ANKRD26: variants seen among roughly 807,000 people sequenced by gnomAD.
ANKRD26 encodes ankyrin repeat domain-containing protein 26.
In ANKRD26, 141 loss-of-function variants were observed where a neutral mutation model predicts 208.7. The ratio of observed to expected loss-of-function variants is 0.68; its 90% confidence interval spans 0.59 to 0.78. ANKRD26 has a LOEUF of 0.78. Ranked by LOEUF, ANKRD26 falls within the 30% of genes least tolerant of loss-of-function variation. ANKRD26 has a pLI of 0.00. For synonymous variants in ANKRD26, 636 were observed against 660.4 expected, an observed-to-expected ratio of 0.96 and a Z score of 0.57; for missense variants, 1,889 against 1,938.7, an observed-to-expected ratio of 0.97 and a Z score of 0.48.
chr10:26,949,853 A>G, the ANKRD26 span, among the ~76,000 whole-genome samples: 1 of 152,258 alleles, frequency 6.6e-6, no homozygotes, highest in Non-Finnish European at 1.5e-5. Flanking sequence ...CATTAAAATT[A>G]GATGATAATA....
In ANKRD26 at chr10:27,100,386, G is replaced by A. The variant is rs1589393585; in HGVS notation, c.-60C>T. 3 of 1,596,860 alleles carry A rather than the reference G, an allele frequency of 1.9e-6. No individual in the cohort carries two copies. The highest frequency in any genetic ancestry group is 1.7e-5 in the Admixed American group (1 of 59,390). On this transcript the variant is annotated 5_prime_UTR_variant, in exon 1 of 34. Coordinates refer to ENST00000376087, the MANE Select transcript of ANKRD26 (RefSeq NM_014915.3). ...TCTCTCTCGGCTCTTAACGGCCTCC[G>A]GAGCCCAACATAACAAGTCAGCCCC...
At chr10:27,099,321 T>C (rs1309957470) in intron 1 of ANKRD26, among the ~76,000 whole-genome samples, 1 of 150,364 alleles carries the variant, frequency 6.7e-6, no homozygotes, top group East Asian at 2.0e-4. Flanking sequence ...TCACATATTA[T>C]CATGCACTGA....
chr10:27,003,479 T>C (rs1019197891), downstream of ANKRD26, among the ~76,000 whole-genome samples: 27 of 152,222 alleles, frequency 1.8e-4, no homozygotes, highest in Non-Finnish European at 1.5e-5. Context: ...TGGGTGAAGT[T>C]CTGAGTAGTA....
At chr10:27,050,290 T>C (rs1192255444) in intron 16 of ANKRD26, among the ~76,000 whole-genome samples, 1 of 151,430 alleles carries the variant, frequency 6.6e-6, no homozygotes, top group Non-Finnish European at 1.5e-5. Flanking sequence ...GATTATTGTT[T>C]ATCTTTACAA....
downstream of ANKRD26, among the ~76,000 whole-genome samples, chr10:26,988,382 T>C (rs2052424849): frequency 6.6e-6 from 1 of 152,132 alleles, no homozygotes; most frequent in African/African-American, 2.4e-5. Context: ...ATAGTTTGAG[T>C]AAATATGAAA....
rs1384825074 is a variant in ANKRD26, at chr10:26,996,721, A to G, written c.563-1574T>C. The stretch of plus-strand genomic sequence containing the variant: ...ATACTATACAATGTTGGGGAGCAGT[A>G]TCTTTAGGAATATTTTTCCTGTGTC... On this transcript the variant is annotated intron_variant, in intron 4 of 5. Coordinates refer to the ANKRD26 transcript ENST00000445828. Among the ~76,000 whole-genome samples, 4 of 152,208 alleles carry G rather than the reference A, an allele frequency of 2.6e-5. No homozygotes were observed. In the East Asian group the frequency reaches 7.7e-4, roughly 29 times the overall value.
chr10:26,992,040 G>A (rs1321593277), intron 5 of ANKRD26: 4 of 152,188 alleles, frequency 2.6e-5, no homozygotes, highest in Middle Eastern at 3.2e-3. Context: ...CATTGCCAGA[G>A]TGAAATTCCA....
chr10:27,017,444 T>C, intron 30 of ANKRD26, 58 bp downstream of exon 30: 1 of 1,569,836 alleles, frequency 6.4e-7, no homozygotes, highest in Non-Finnish European at 8.8e-7. Context: ...ATATAATGTA[T>C]ATATCCAAAA....
chr10:27,085,362 G>A (rs1156662553), intron 5 of ANKRD26, among the ~76,000 whole-genome samples: 2 of 152,142 alleles, frequency 1.3e-5, no homozygotes, highest in Admixed American at 6.5e-5. Context: ...GCCTCTCAAA[G>A]TGCTGGGATT....
chr10:27,049,256 G>T (rs952825531), intron 16 of ANKRD26, among the ~76,000 whole-genome samples: 6 of 152,028 alleles, frequency 3.9e-5, no homozygotes, highest in African/African-American at 1.4e-4. Context: ...TCTTAATTTT[G>T]TGCTTTTATT....
At chr10:27,090,671 G>A (rs1427864159) in intron 4 of ANKRD26, among the ~76,000 whole-genome samples, 1 of 152,152 alleles carries the variant, frequency 6.6e-6, no homozygotes, top group Admixed American at 6.5e-5. Flanking sequence ...AAAAACCTAT[G>A]CTGAGTTTAC....
intron 15 of ANKRD26, among the ~76,000 whole-genome samples, chr10:27,057,826 A>G (rs2054893499): frequency 6.6e-6 from 1 of 151,994 alleles, no homozygotes; most frequent in Admixed American, 6.6e-5. Context: ...AGCCCTAGCT[A>G]CTCAGGAGGC....
chr10:27,057,529 TAATA>T (rs778930384), intron 15 of ANKRD26, among the ~76,000 whole-genome samples: 3 of 152,344 alleles, frequency 2.0e-5, no homozygotes, highest in African/African-American at 4.8e-5. Flanking sequence ...CAAAAACATT[TAATA>T]AATAAACTTT....
chr10:27,033,213 T>C lies in ANKRD26; in HGVS notation c.3807+12A>G, dbSNP rs368008656. The C allele has an allele frequency of 7.9e-5, 127 of 1,601,050 alleles. No individual in the cohort carries two copies. In the East Asian group the frequency reaches 1.9e-3, roughly 23 times the overall value. ...TAGATTAACTGTTTGACATGTTAAA[T>C]TTCATACATACTTGATTTCTGATTT... is the stretch of plus-strand genomic sequence containing the variant. On this transcript the variant is annotated intron_variant, in intron 25 of 33. Transcript: ENST00000376087.
rs1234516618 is a variant in ANKRD26 at position 27,010,405 on chromosome 10, A to G, written c.4953+2477T>C. On this transcript the variant is annotated intron_variant, in intron 32 of 33. Transcript: ENST00000376087. ...TATCTACATATTCTTTCATCATCTTATAAAATGTTGTTACCTGAGTTTTCT... is the reference window on the plus strand; with the variant it reads ...TATCTACATATTCTTTCATCATCTTGTAAAATGTTGTTACCTGAGTTTTCT... 2.0e-4 allele frequency among the ~76,000 whole-genome samples: 31 copies of G among 152,238 alleles called. 1 individual carries two copies. Among genetic ancestry groups the G allele is most frequent in the Admixed American group, 2.0e-3 (31 of 15,278 alleles).
At chr10:27,018,848 A>G (rs1296093685) in intron 29 of ANKRD26, among the ~76,000 whole-genome samples, 1 of 152,244 alleles carries the variant, frequency 6.6e-6, no homozygotes, top group African/African-American at 2.4e-5. Flanking sequence ...AAAATTGAAT[A>G]AAGATGTAAA....
chr10:26,949,868 T>C, the ANKRD26 span, among the ~76,000 whole-genome samples: 3 of 152,352 alleles, frequency 2.0e-5, no homozygotes, highest in East Asian at 5.8e-4. Flanking sequence ...ATAATATGTC[T>C]TAAGCTTCCT....
intron 29 of ANKRD26, 88 bp downstream of exon 29, chr10:27,022,470 A>T: frequency 9.2e-7 from 1 of 1,091,420 alleles, no homozygotes; most frequent in Non-Finnish European, 1.3e-6. Flanking sequence ...AAAAAAAAAA[A>T]TCTTTATTTC....
At chr10:27,000,925 G>A (rs980612630), downstream of ANKRD26, among the ~76,000 whole-genome samples, 10 of 152,206 alleles carry the variant, frequency 6.6e-5, no homozygotes, top group African/African-American at 2.2e-4. Flanking sequence ...GGAGGATGGC[G>A]TGAACCCAGG....
Sources: gnomAD v4.1 joint callset for allele counts (sites outside exome capture counted in the v4.1 genomes callset) on GRCh38, gnomAD v4.1.1 for gene constraint, MANE v1.5 for transcripts, NCBI Gene and HGNC (gene_info 2026-07-23, HGNC 2026-07-21) for gene names.